Variants in ZNF480 observed in about 807,000 individuals in gnomAD.
The protein encoded by ZNF480 is zinc finger protein 480.
Under a neutral mutation model 14.4 loss-of-function variants are expected in ZNF480, and 15 were observed. The ratio of observed to expected loss-of-function variants is 1.04; its 90% CI spans 0.70 to 1.60. The LOEUF (loss-of-function observed/expected upper bound fraction) is 1.60, where lower values mean the gene tolerates loss of function less well. ZNF480 is among the 40% of genes most tolerant of loss of function. The probability of loss-of-function intolerance (pLI) is 0.00; values close to 1 mark genes in which losing one functional copy is unlikely to be tolerated. For missense variants in ZNF480, 593 were observed against 629.7 expected (o/e 0.94, Z 0.62); for synonymous variants, 218 against 215.5 (o/e 1.01, Z -0.10).
intron 4 of ZNF480, among the ~76,000 whole-genome samples, 181 bp from the exon 5 acceptor site, chr19:52,321,398 C>T (rs529453147): frequency 6.6e-6 from 1 of 152,254 alleles, no homozygotes; most frequent in Non-Finnish European, 1.5e-5. Context: ...TACAGATTTC[C>T]CAGAACTCCA....
At chr19:52,318,280 G>A (rs1460393995) in intron 4 of ZNF480, among the ~76,000 whole-genome samples, 2 of 151,772 alleles carry the variant, frequency 1.3e-5, no homozygotes, top group African/African-American at 2.4e-5. Context: ...CTAAATTTTT[G>A]TATCTTTAAT....
chr19:52,302,539 C>T (rs915982365), intron 2 of ZNF480, among the ~76,000 whole-genome samples: 3 of 152,124 alleles, frequency 2.0e-5, no homozygotes, highest in African/African-American at 7.2e-5. Context: ...GCTGGAATGC[C>T]CATCACTGCG....
intron 4 of ZNF480, among the ~76,000 whole-genome samples, chr19:52,318,346 G>A (rs902185656): frequency 6.6e-6 from 1 of 152,076 alleles, no homozygotes; most frequent in Non-Finnish European, 1.5e-5. Context: ...GACCTCAGGT[G>A]ATCTACCTGC....
intron 4 of ZNF480, among the ~76,000 whole-genome samples, chr19:52,320,705 T>A (rs1267872106): frequency 6.6e-6 from 1 of 152,154 alleles, no homozygotes; most frequent in South Asian, 2.1e-4. Context: ...GGCAGGATAA[T>A]TGCTTGAACC....
rs759660167 is a variant in ZNF480 at position 52,322,402 on chromosome 19, G to A, written c.1152G>A (p.Ser384=). 83 of 1,612,436 alleles carry A rather than the reference G, an allele frequency of 5.1e-5. No individual in the cohort carries two copies. The highest frequency in any genetic ancestry group is 8.1e-5 in the African/African-American group (6 of 74,458). ...NECGKVFIQN[S]HLAQHWRIHT... is the part of the protein sequence containing the mutation. ...GTGGAAAGGTCTTTATTCAAAATTC[G>A]CACCTAGCACAACATTGGAGAATTC... is the stretch of plus-strand genomic sequence containing the variant. The change falls in exon 5 of 5, where the codon TCG becomes TCA. Residue 384 remains serine (S), a synonymous_variant. Coordinates refer to ENST00000595962, the MANE Select transcript of ZNF480 (RefSeq NM_144684.4).
intron 2 of ZNF480, among the ~76,000 whole-genome samples, chr19:52,311,997 TAA>T (rs1271802373): frequency 2.0e-5 from 3 of 152,202 alleles, no homozygotes; most frequent in Admixed American, 2.0e-4. Flanking sequence ...ATGGTTTTAT[TAA>T]AGACATGTCA....
At chr19:52,304,667 C>A (rs1217496007) in intron 2 of ZNF480, among the ~76,000 whole-genome samples, 1 of 151,928 alleles carries the variant, frequency 6.6e-6, no homozygotes, top group Non-Finnish European at 1.5e-5. Context: ...AAATTTTTTT[C>A]TAATCCCATG....
chr19:52,316,536 T>C (rs1983566834), intron 4 of ZNF480, among the ~76,000 whole-genome samples: 1 of 152,146 alleles, frequency 6.6e-6, no homozygotes, highest in African/African-American at 2.4e-5. Context: ...AGCTTCTTTT[T>C]GTTTTTCAGA....
chr19:52,313,770 A>G, intron 2 of ZNF480: 1 of 439,418 alleles, frequency 2.3e-6, no homozygotes. Context: ...TGTGTGGACA[A>G]GAGTTCAAGA....
chr19:52,324,146 C>T lies in ZNF480; in HGVS notation c.*1288C>T, dbSNP rs1360598040. On this transcript the variant is annotated 3_prime_UTR_variant, in exon 5 of 5. Transcript: ENST00000595962. ...CAAAAATTAGTTGCATTTCTATACA[C>T]CAGTAATGTCCAAGCTATGAACCAA... 1.3e-5 allele frequency: 2 copies of T among 152,092 alleles called. No homozygotes were observed. The highest frequency in any genetic ancestry group is 2.9e-5 in the Non-Finnish European group (2 of 68,002). The allele number at this position is 152,092 out of a possible 1,614,324, so 9.4% of individuals were successfully genotyped here.
chr19:52,318,193 G>A (rs1350792320), intron 4 of ZNF480, among the ~76,000 whole-genome samples: 3 of 151,696 alleles, frequency 2.0e-5, no homozygotes, highest in South Asian at 2.1e-4. Context: ...TGGTACCTGC[G>A]CCTCCCAGGT....
At chr19:52,311,217 CAT>C (rs1300257717) in intron 2 of ZNF480, among the ~76,000 whole-genome samples, 6 of 151,912 alleles carry the variant, frequency 3.9e-5, no homozygotes, top group African/African-American at 1.4e-4. Context: ...GGGTTGATCA[CAT>C]GTGTGTAGAA....
At chr19:52,302,122 G>T (rs1331961057) in intron 2 of ZNF480, 5 of 240,302 alleles carry the variant, frequency 2.1e-5, no homozygotes, top group Non-Finnish European at 3.3e-5. Context: ...ATCGGCTGCT[G>T]GTTTTGGCCT....
intron 2 of ZNF480, among the ~76,000 whole-genome samples, chr19:52,306,958 A>C (rs1339314744): frequency 6.6e-6 from 1 of 151,514 alleles, no homozygotes; most frequent in African/African-American, 2.4e-5. Flanking sequence ...GTAGACGGGT[A>C]GGGACAAACC....
intron 1 of ZNF480, among the ~76,000 whole-genome samples, chr19:52,298,344 G>A (rs1169178705): frequency 6.6e-6 from 1 of 152,018 alleles, no homozygotes; most frequent in Non-Finnish European, 1.5e-5. Context: ...GTCAGGGGAA[G>A]AGGCAAGACC....
intron 2 of ZNF480, among the ~76,000 whole-genome samples, chr19:52,304,667 C>G (rs1217496007): frequency 6.6e-6 from 1 of 151,928 alleles, no homozygotes; most frequent in African/African-American, 2.4e-5. Context: ...AAATTTTTTT[C>G]TAATCCCATG....
chr19:52,302,362 C>T (rs1982736307), intron 2 of ZNF480, among the ~76,000 whole-genome samples: 1 of 152,198 alleles, frequency 6.6e-6, no homozygotes, highest in African/African-American at 2.4e-5. Context: ...CTGTTCCCCC[C>T]TTTGTGTTTT....
intron 2 of ZNF480, among the ~76,000 whole-genome samples, chr19:52,311,436 C>T (rs1983281138): frequency 6.6e-6 from 1 of 152,148 alleles, no homozygotes; most frequent in Non-Finnish European, 1.5e-5. Context: ...CCTTGGCCTC[C>T]CAAAGTGCTG....
chr19:52,311,856 A>T (rs545886992), intron 2 of ZNF480, among the ~76,000 whole-genome samples: 1 of 152,196 alleles, frequency 6.6e-6, no homozygotes, highest in African/African-American at 2.4e-5. Context: ...AAAATAGGTT[A>T]TTGACAGACA....
Sources: gnomAD v4.1 joint callset for allele counts (sites outside exome capture counted in the v4.1 genomes callset) on GRCh38, gnomAD v4.1.1 for gene constraint, MANE v1.5 for transcripts, NCBI Gene and HGNC (gene_info 2026-07-23, HGNC 2026-07-21) for gene names.